RARB: variants seen among roughly 807,000 people sequenced by gnomAD.
RARB encodes retinoic acid receptor beta, also known as HBV-activated protein.
A neutral mutation model predicts 51.9 loss-of-function variants in RARB; 17 were observed. The ratio of observed to expected loss-of-function variants is 0.33; its 90% CI spans 0.22 to 0.49. The LOEUF (loss-of-function observed/expected upper bound fraction) is 0.49. RARB is among the 20% of genes least tolerant of loss of function. The pLI is 0.99. For synonymous variants in RARB, 215 were observed against 195.4 expected, an observed-to-expected ratio of 1.10 and a Z score of -0.84; for missense variants, 369 against 550.8, an observed-to-expected ratio of 0.67 and a Z score of 3.30.
intron 5 of RARB, among the ~76,000 whole-genome samples, chr3:25,186,213 T>C (rs919637149): frequency 3.3e-5 from 5 of 152,114 alleles, no homozygotes; most frequent in Non-Finnish European, 7.4e-5. Flanking sequence ...AACCTCATAT[T>C]GGTGATACAA....
Position 25,597,787 on chromosome 3 carries a change from T to G in RARB, c.*1171T>G, listed in dbSNP as rs923238834. The G allele has an allele frequency of 3.9e-5, 6 of 152,390 alleles. No individual in the cohort carries two copies. Among genetic ancestry groups the G allele is most frequent in the Non-Finnish European group, 8.8e-5 (6 of 67,980 alleles). The allele number at this position is 152,390 out of a possible 1,614,324, so 9.4% of individuals were successfully genotyped here. A position where few individuals can be genotyped will look rare whatever the true frequency, so the allele number is the denominator to read the frequency against. ...AAGCACTAGTGGAATTTTTTTTTTT[T>G]GATATATTAGCAAGTCTGTGATGTA... On this transcript the variant is annotated 3_prime_UTR_variant, in exon 8 of 8. Coordinates refer to ENST00000330688, the MANE Select transcript of RARB (RefSeq NM_000965.5).
chr3:25,592,997 T>C (rs1701670948), intron 5 of RARB, among the ~76,000 whole-genome samples: 1 of 152,184 alleles, frequency 6.6e-6, no homozygotes, highest in Non-Finnish European at 1.5e-5. Context: ...TCACCTAACC[T>C]TTCTGAGCCT....
intron 2 of RARB, among the ~76,000 whole-genome samples, chr3:25,046,282 G>A (rs1698211851): frequency 6.6e-6 from 1 of 152,148 alleles, no homozygotes; most frequent in Non-Finnish European, 1.5e-5. Context: ...AAAAACTGCA[G>A]AAAAGGATCA....
intron 5 of RARB, among the ~76,000 whole-genome samples, chr3:25,183,105 A>G (rs1229413787): frequency 6.6e-6 from 1 of 152,204 alleles, no homozygotes; most frequent in African/African-American, 2.4e-5. Context: ...TACAGGGACC[A>G]TAACTTCTTA....
intron 3 of RARB, among the ~76,000 whole-genome samples, chr3:25,076,402 A>C (rs1274479402): frequency 6.6e-6 from 1 of 152,114 alleles, no homozygotes; most frequent in Non-Finnish European, 1.5e-5. Flanking sequence ...GCCTCCCAGA[A>C]GCAGTTAATT....
chr3:25,394,072 T>C lies in RARB; in HGVS notation c.179-67121T>C, dbSNP rs530995026. ...TGACCTTTTCTCTTAGAAATACTTT[T>C]GCTGTATCACAGAGGTTTTGGTTTT... On this transcript the variant is annotated intron_variant, in intron 5 of 11. Coordinates refer to the RARB transcript ENST00000383772. 3.3e-5 allele frequency among the ~76,000 whole-genome samples: 5 copies of C among 152,210 alleles called. No individual in the cohort carries two copies. In the South Asian group the frequency reaches 1.0e-3, roughly 32 times the overall value.
At chr3:25,153,274 T>G (rs1161525984) in intron 4 of RARB, among the ~76,000 whole-genome samples, 2 of 151,306 alleles carry the variant, frequency 1.3e-5, no homozygotes, top group Non-Finnish European at 3.0e-5. Context: ...CACAGAGAAG[T>G]GTTGTTTTGT....
intron 2 of RARB, among the ~76,000 whole-genome samples, chr3:24,877,041 ATTTGT>A (rs1703059793): frequency 2.0e-5 from 3 of 152,226 alleles, no homozygotes; most frequent in South Asian, 2.1e-4. Context: ...ATGTAAATGT[ATTTGT>A]TTTATCATGT....
At chr3:24,951,676 T>A (rs1695895510) in intron 2 of RARB, among the ~76,000 whole-genome samples, 1 of 152,168 alleles carries the variant, frequency 6.6e-6, no homozygotes, top group Non-Finnish European at 1.5e-5. Context: ...TGTCTATAGA[T>A]ATTTGAGAGA....
At chr3:24,840,742 TAAAAAAA>T (rs55771334) in intron 1 of RARB, among the ~76,000 whole-genome samples, 1 of 70,342 alleles carries the variant, frequency 1.4e-5, no homozygotes, top group Non-Finnish European at 2.7e-5. Context: ...TGAGTAAGAG[TAAAAAAA>T]AAAAAAAAAA....
At chr3:25,292,058 T>C (rs80056914) in intron 5 of RARB, among the ~76,000 whole-genome samples, 1 of 151,926 alleles carries the variant, frequency 6.6e-6, no homozygotes, top group African/African-American at 2.4e-5. Flanking sequence ...TTTTTTTTTT[T>C]GCCAAACCTT....
intron 3 of RARB, among the ~76,000 whole-genome samples, chr3:25,560,287 A>G (rs180894648): frequency 6.6e-6 from 1 of 152,198 alleles, no homozygotes; most frequent in Non-Finnish European, 1.5e-5. Context: ...TAACTATGTG[A>G]TATAAACACC....
chr3:25,316,397 T>A (rs573790400), intron 5 of RARB, among the ~76,000 whole-genome samples: 127 of 152,012 alleles, frequency 8.4e-4, no homozygotes, highest in Non-Finnish European at 1.3e-3. Flanking sequence ...TTATTAAAAA[T>A]GGTACAAAGT....
intron 7 of RARB, 34 bp downstream of exon 7, chr3:25,594,712 C>T: frequency 6.6e-7 from 1 of 1,514,626 alleles, no homozygotes; most frequent in Non-Finnish European, 8.8e-7. Context: ...TGTAGTCACA[C>T]AGTGGACTTG....
intron 2 of RARB, among the ~76,000 whole-genome samples, chr3:24,910,035 T>C (rs1203217455): frequency 2.0e-5 from 3 of 152,212 alleles, no homozygotes; most frequent in Admixed American, 1.3e-4. Flanking sequence ...TCCTACATAC[T>C]AGGTATGTTA....
chr3:25,382,142 C>G (rs1445005047), intron 5 of RARB, among the ~76,000 whole-genome samples: 1 of 152,198 alleles, frequency 6.6e-6, no homozygotes, highest in South Asian at 2.1e-4. Context: ...AGTCCAAAAG[C>G]ATATAATAGG....
At chr3:25,182,323 C>T (rs959400016) in intron 5 of RARB, among the ~76,000 whole-genome samples, 5 of 152,204 alleles carry the variant, frequency 3.3e-5, no homozygotes, top group Admixed American at 6.5e-5. Context: ...GGGCTTGCAA[C>T]ACCAGAACCA....
rs190537143 is a variant in RARB, at chr3:25,195,759, A to G, written c.178+21184A>G. Among the ~76,000 whole-genome samples the G allele has an allele frequency of 3.7e-3, 563 of 152,184 alleles. 5 individuals carry two copies. Among genetic ancestry groups the G allele is most frequent in the Middle Eastern group, 6.8e-3 (2 of 294 alleles). ...GAAGTTAAGTCTAAATTAAAATTCT[A>G]TGTAGAAATTTTGTGAAGCTAATCA... On this transcript the variant is annotated intron_variant, in intron 5 of 11. Transcript: ENST00000383772.
intron 2 of RARB, among the ~76,000 whole-genome samples, chr3:25,482,134 G>A (rs908239445): frequency 4.6e-5 from 7 of 152,158 alleles, no homozygotes; most frequent in Non-Finnish European, 7.4e-5. Flanking sequence ...GAACCTGGCT[G>A]GACATGTGGG....
Sources: gnomAD v4.1 joint callset for allele counts (sites outside exome capture counted in the v4.1 genomes callset) on GRCh38, gnomAD v4.1.1 for gene constraint, MANE v1.5 for transcripts, NCBI Gene and HGNC (gene_info 2026-07-23, HGNC 2026-07-21) for gene names.